The following NRXN1 variants were observed in gnomAD, a reference collection of about 807,000 sequenced individuals.
NRXN1 encodes neurexin 1.
In NRXN1, 39 loss-of-function variants were observed where a neutral mutation model predicts 150.9. That is an observed-to-expected ratio of 0.26 (90% CI 0.20 to 0.34). NRXN1 has a LOEUF of 0.34. NRXN1 is among the 10% of genes least tolerant of loss of function. The probability of loss-of-function intolerance (pLI) is 1.00; values close to 1 mark genes in which losing one functional copy is unlikely to be tolerated. For synonymous variants in NRXN1, 924 were observed against 757.0 expected (o/e 1.22, Z -3.62); for missense variants, 1,815 against 1,949.9 (o/e 0.93, Z 1.30).
intron 5 of NRXN1, among the ~76,000 whole-genome samples, chr2:50,737,435 T>C (rs1698902683): frequency 1.3e-5 from 2 of 152,204 alleles, no homozygotes; most frequent in South Asian, 4.1e-4. Flanking sequence ...GATATTATTC[T>C]CCTTTTTATC....
chr2:50,150,073 C>T (rs2058607244), intron 18 of NRXN1, among the ~76,000 whole-genome samples: 1 of 151,666 alleles, frequency 6.6e-6, no homozygotes, highest in Admixed American at 6.6e-5. Flanking sequence ...TTCTCCATTA[C>T]TCCTGGGGAA....
chr2:50,722,099 A>G (rs1696735746), intron 5 of NRXN1, among the ~76,000 whole-genome samples: 2 of 152,180 alleles, frequency 1.3e-5, no homozygotes, highest in Non-Finnish European at 2.9e-5. Context: ...CAATGAATCT[A>G]GTATTCCATA....
intron 5 of NRXN1, among the ~76,000 whole-genome samples, chr2:50,900,820 G>T (rs886417321): frequency 6.6e-6 from 1 of 152,162 alleles, no homozygotes; most frequent in Non-Finnish European, 1.5e-5. Flanking sequence ...TGTAATGCAA[G>T]AACGAGGTGA....
chr2:50,429,548 C>G (rs541085122), intron 17 of NRXN1, among the ~76,000 whole-genome samples: 1 of 151,356 alleles, frequency 6.6e-6, no homozygotes, highest in African/African-American at 2.4e-5. Context: ...TAAGCCAGTG[C>G]GCCAGCCAAT....
chr2:50,827,749 G>T (rs373163667), intron 5 of NRXN1, among the ~76,000 whole-genome samples: 1 of 151,638 alleles, frequency 6.6e-6, no homozygotes, highest in Non-Finnish European at 1.5e-5. Context: ...AGAGGACCCT[G>T]CGGCCTTCCG....
rs74606890 is a variant in NRXN1 at position 50,878,762 on chromosome 2, T to C, written c.832+43107A>G. Among the ~76,000 whole-genome samples the C allele has an allele frequency of 2.1e-3, 320 of 152,058 alleles. 5 individuals carry two copies. The East Asian group carries it at 0.059, about 28-fold the overall frequency. On this transcript the variant is annotated intron_variant, in intron 5 of 22. Transcript: ENST00000401669. ...ATCAGATGTATTTGGGGAAAAAGCT[T>C]ATAATTTAAAAATAAAACTCTTCAG...
chr2:49,960,791 G>C (rs1330616070), intron 21 of NRXN1, among the ~76,000 whole-genome samples: 1 of 152,072 alleles, frequency 6.6e-6, no homozygotes, highest in Non-Finnish European at 1.5e-5. Flanking sequence ...GTTCTTAAAT[G>C]GTTCAGCTAA....
At chr2:50,062,137 T>C (rs1416062075) in intron 19 of NRXN1, among the ~76,000 whole-genome samples, 1 of 152,194 alleles carries the variant, frequency 6.6e-6, no homozygotes, top group Non-Finnish European at 1.5e-5. Context: ...TTTGATTAAA[T>C]CCCAGATAAT....
intron 17 of NRXN1, among the ~76,000 whole-genome samples, chr2:50,393,110 A>G (rs114892272): frequency 0.015 from 2,226 of 151,724 alleles, 55 homozygotes; most frequent in African/African-American, 0.049. Context: ...AAGCCATTCT[A>G]TTGTCCAGAT....
chr2:50,499,572 T>C (rs2091834567), intron 13 of NRXN1, among the ~76,000 whole-genome samples: 1 of 148,900 alleles, frequency 6.7e-6, no homozygotes, highest in African/African-American at 2.4e-5. Context: ...ATAAAATTAA[T>C]CCTTAATTAT....
chr2:50,529,601 T>C (rs576534523), intron 11 of NRXN1, among the ~76,000 whole-genome samples: 23 of 152,308 alleles, frequency 1.5e-4, no homozygotes, highest in African/African-American at 5.1e-4. Flanking sequence ...AGATTCTGTT[T>C]CCATATAGCT....
intron 5 of NRXN1, among the ~76,000 whole-genome samples, chr2:50,686,698 C>T (rs530255140): frequency 1.1e-4 from 16 of 152,186 alleles, no homozygotes; most frequent in Non-Finnish European, 2.1e-4. Flanking sequence ...CACCACATCT[C>T]GAGTCTATCT....
In NRXN1 at chr2:50,506,635, C is replaced by A. The variant is rs1215593297; in HGVS notation, c.2375-18G>T. On this transcript the variant is annotated intron_variant, in intron 12 of 22. Coordinates refer to ENST00000401669, the MANE Select transcript of NRXN1 (RefSeq NM_001330078.2). The stretch of plus-strand genomic sequence containing the variant: ...ACCTTTGCCTGTAGAATATGCCAAA[C>A]AGTCATTATGGACACTCAGAATCAG... The A allele has an allele frequency of 2.5e-6, 4 of 1,611,716 alleles. No homozygotes were observed. In the African/African-American group the frequency reaches 4.0e-5, roughly 16 times the overall value.
Position 50,368,171 on chromosome 2 carries a change from C to A in NRXN1, c.3364+97271G>T, listed in dbSNP as rs1299442302. 3.3e-5 allele frequency among the ~76,000 whole-genome samples: 5 copies of A among 152,000 alleles called. No homozygotes were observed. The East Asian group carries it at 9.7e-4, about 29-fold the overall frequency. Reference sequence around the variant, plus strand: ...CACATGTTGTTCATGCAAATGAAATCAAAATTTACCTAGGAAGATTCCAGA... The same window carrying A: ...CACATGTTGTTCATGCAAATGAAATAAAAATTTACCTAGGAAGATTCCAGA... On this transcript the variant is annotated intron_variant, in intron 17 of 22. Coordinates refer to ENST00000401669, the MANE Select transcript of NRXN1 (RefSeq NM_001330078.2).
At chr2:50,161,161 T>C (rs1202308847) in intron 18 of NRXN1, among the ~76,000 whole-genome samples, 1 of 152,162 alleles carries the variant, frequency 6.6e-6, no homozygotes, top group East Asian at 1.9e-4. Context: ...ACTTTACAGC[T>C]AATATCACCA....
chr2:50,545,220 T>C (rs953468060), intron 9 of NRXN1, among the ~76,000 whole-genome samples: 10 of 152,166 alleles, frequency 6.6e-5, no homozygotes, highest in African/African-American at 2.4e-4. Flanking sequence ...ATTAAATACA[T>C]CATGCATTAC....
chr2:50,571,037 A>G (rs1027466380), intron 8 of NRXN1, among the ~76,000 whole-genome samples: 1 of 152,196 alleles, frequency 6.6e-6, no homozygotes, highest in African/African-American at 2.4e-5. Flanking sequence ...CTCTTTGAGA[A>G]GCAGGTCTAA....
At chr2:50,582,114 C>T (rs1283986656) in intron 8 of NRXN1, among the ~76,000 whole-genome samples, 1 of 152,142 alleles carries the variant, frequency 6.6e-6, no homozygotes, top group Non-Finnish European at 1.5e-5. Context: ...TTTGGTTGAT[C>T]TTCAGAAAGT....
intron 5 of NRXN1, among the ~76,000 whole-genome samples, chr2:50,811,915 T>C (rs1668266282): frequency 6.6e-6 from 1 of 152,188 alleles, no homozygotes; most frequent in Non-Finnish European, 1.5e-5. Flanking sequence ...CTCCATATTA[T>C]GTAAGATTTT....
Sources: allele counts gnomAD v4.1 joint callset (sites outside exome capture counted in the v4.1 genomes callset), GRCh38; gene constraint gnomAD v4.1.1; transcripts MANE v1.5; gene names NCBI Gene and HGNC (gene_info 2026-07-23, HGNC 2026-07-21).